The following AARS2 variants were observed in gnomAD, a reference collection of about 807,000 sequenced individuals.
AARS2 encodes alanyl-tRNA synthetase 2, mitochondrial, also known as alanine--tRNA ligase, mitochondrial.
A neutral mutation model predicts 119.7 loss-of-function variants in AARS2; 78 were observed. That is an observed-to-expected ratio of 0.65 (90% CI 0.54 to 0.79). The LOEUF (loss-of-function observed/expected upper bound fraction) is 0.79. Among genes scored for constraint, AARS2 ranks in the 30% least tolerant of loss-of-function variants. The pLI is 0.00. For missense variants in AARS2, 1,157 were observed against 1,291.3 expected (o/e 0.90, Z 1.59); for synonymous variants, 502 against 526.3 (o/e 0.95, Z 0.63).
chr6:44,306,497 G>A lies in AARS2; in HGVS notation c.1185C>T (p.Ala395=). ...CTCTCCCACTGGAATCCAGTACCTG[G>A]GCTGAGTTCCTTTGCAGTTCTGGAT... The part of the protein sequence containing the change: ...DAYPELQRNS[A]QIANLVSEDE... The change falls in exon 8 of 22, where the codon GCC becomes GCT. Residue 395 remains alanine (A), a synonymous_variant. Coordinates refer to ENST00000244571, the MANE Select transcript of AARS2 (RefSeq NM_020745.4). 1.9e-6 allele frequency: 3 copies of A among 1,614,146 alleles called. No homozygotes were observed. Among genetic ancestry groups the A allele is most frequent in the Non-Finnish European group, 2.5e-6 (3 of 1,180,028 alleles).
rs1313855671 is a variant in AARS2, at chr6:44,302,083, T to C, written c.2575A>G (p.Ile859Val). ...KMLQRRANTA[I>V]RKLQMGQAAK... The stretch of plus-strand genomic sequence containing the variant: ...ACCTGTCCCATTTGCAGCTTACGGA[T>C]GGCAGTGTTGGCACGCCGCTGCAGC... Residue 859 changes from isoleucine to valine, a missense_variant, in exon 19 of 22, where the codon ATC becomes GTC. Physicochemically the swap from Ile to Val is conservative, Grantham distance 29. Coordinates refer to ENST00000244571, the MANE Select transcript of AARS2 (RefSeq NM_020745.4). The C allele has an allele frequency of 6.2e-7, 1 of 1,613,976 alleles. No individual in the cohort carries two copies. The highest frequency in any genetic ancestry group is 8.5e-7 in the Non-Finnish European group (1 of 1,180,032).
intron 5 of AARS2, among the ~76,000 whole-genome samples, chr6:44,309,908 T>C (rs1258716608): frequency 7.2e-5 from 11 of 152,174 alleles, no homozygotes; most frequent in African/African-American, 2.7e-4. Context: ...CCTAGTTACT[T>C]TCACCCATGT....
chr6:44,300,214 C>G lies in AARS2; in HGVS notation c.*333G>C, dbSNP rs1218908087. 3.2e-5 allele frequency: 12 copies of G among 376,622 alleles called. No individual in the cohort carries two copies. Among genetic ancestry groups the G allele is most frequent in the Non-Finnish European group, 5.1e-6 (1 of 197,420 alleles). The allele number at this position is 376,622 out of a possible 1,614,324, so 23.3% of individuals were successfully genotyped here. A position where few individuals can be genotyped will look rare whatever the true frequency, so the allele number is the denominator to read the frequency against. On this transcript the variant is annotated 3_prime_UTR_variant, in exon 22 of 22. Coordinates refer to ENST00000244571, the MANE Select transcript of AARS2 (RefSeq NM_020745.4). ...CAGGATGGTTTTGATCTCCTGACCT[C>G]ATGATCTACCTGCCTCGGCCTCCCA...
At chr6:44,302,997 G>A in intron 16 of AARS2, 69 bp downstream of exon 16, 3 of 1,604,664 alleles carry the variant, frequency 1.9e-6, no homozygotes, top group Non-Finnish European at 2.6e-6. Flanking sequence ...AGGGCTGATG[G>A]CTCCAAAGAC....
At chr6:44,312,972 C>T in intron 1 of AARS2, 109 bp downstream of exon 1, 1 of 1,526,474 alleles carries the variant, frequency 6.6e-7, no homozygotes, top group Non-Finnish European at 8.9e-7. Context: ...GCCCTCTTTC[C>T]CCAAAAGCTA....
In AARS2 at chr6:44,303,309, G is replaced by T. The variant is rs1323462586; in HGVS notation, c.2122C>A (p.Pro708Thr). The change falls in exon 15 of 22, where the codon CCT (proline) becomes ACT (threonine). Residue 708 changes from proline (P) to threonine (T), a missense_variant. Pro to Thr is a conservative substitution (Grantham distance 38). Coordinates refer to ENST00000244571, the MANE Select transcript of AARS2 (RefSeq NM_020745.4). ...EVPLALTAQV[P>T]GLRSLDEVYP... ...ACCTCATCCAGAGAGCGCAGGCCAG[G>T]GACCTGGGCAGTGAGCGCCAGGGGC... The T allele has an allele frequency of 1.4e-5, 23 of 1,614,002 alleles. No homozygotes were observed. Among genetic ancestry groups the T allele is most frequent in the Non-Finnish European group, 1.9e-5 (22 of 1,180,052 alleles).
At chr6:44,311,359 A>G in intron 3 of AARS2, 31 bp downstream of exon 3, 1 of 1,614,120 alleles carries the variant, frequency 6.2e-7, no homozygotes, top group Non-Finnish European at 8.5e-7. Context: ...CCTGACCTCC[A>G]GGAATGAACA....
rs1785259424 is a variant in AARS2 at position 44,300,368 on chromosome 6, G to A, written c.*179C>T. ...GGTGTGTGTCTTTGGGCCCAGTTCT[G>A]CCTTCCCTAGCCCATGTCTCCTTGT... On this transcript the variant is annotated 3_prime_UTR_variant, in exon 22 of 22. Transcript: ENST00000244571. 1 of 819,196 alleles carries A rather than the reference G, an allele frequency of 1.2e-6. No homozygotes were observed. The highest frequency in any genetic ancestry group is 2.0e-6 in the Non-Finnish European group (1 of 504,704). 50.7% of individuals were successfully genotyped at this position (819,196 alleles called of 1,614,324 possible).
rs1027216958 is a variant in AARS2 at position 44,305,587 on chromosome 6, C to T, written c.1434+66G>A. ...CCTCTCAATATTCACAGCTCCTCCC[C>T]CAGGAGCTCAGGGCTGGGGAAGAGG... On this transcript the variant is annotated intron_variant, in intron 10 of 21. Transcript: ENST00000244571. This position sits in a 1 kb window ranked among gnomAD's most constrained non-coding sequence, Gnocchi z 4.6. 4 of 1,604,088 alleles carry T rather than the reference C, an allele frequency of 2.5e-6. No homozygotes were observed. The highest frequency in any genetic ancestry group is 1.1e-5 in the South Asian group (1 of 90,720).
rs148363748 is a variant in AARS2 at position 44,306,385 on chromosome 6, T to G, written c.1195A>C (p.Asn399His). 231 of 1,614,124 alleles carry G rather than the reference T, an allele frequency of 1.4e-4. No individual in the cohort carries two copies. The Admixed American group carries it at 1.8e-3, about 12-fold the overall frequency. Reference sequence around the variant, plus strand: ...GCTGCCTCGTCCTCTGACACCAGGTTGGCGATCTGAACCAGGCAGAGAAGA... The same window carrying G: ...GCTGCCTCGTCCTCTGACACCAGGTGGGCGATCTGAACCAGGCAGAGAAGA... ...ELQRNSAQIA[N>H]LVSEDEAAFL... Residue 399 changes from asparagine to histidine, a missense_variant, in exon 9 of 22, where the codon AAC becomes CAC. Asn to His is a moderately conservative substitution (Grantham distance 68). Transcript: ENST00000244571.
chr6:44,304,825 G>A lies in AARS2; in HGVS notation c.1580-8C>T. The A allele has an allele frequency of 6.2e-7, 1 of 1,614,082 alleles. No homozygotes were observed. The highest frequency in any genetic ancestry group is 8.5e-7 in the Non-Finnish European group (1 of 1,179,984). ...CCTCACAGGTGCCGAACTCTGCCAG[G>A]GCACAGAATGGTTATTAGTGGTGGG... On this transcript the variant is annotated splice_polypyrimidine_tract_variant and splice_region_variant and intron_variant, in intron 11 of 21. Coordinates refer to ENST00000244571, the MANE Select transcript of AARS2 (RefSeq NM_020745.4).
Position 44,310,284 on chromosome 6 carries a change from G to A in AARS2, c.894+15C>T, listed in dbSNP as rs753572109. On this transcript the variant is annotated intron_variant, in intron 5 of 21. Coordinates refer to ENST00000244571, the MANE Select transcript of AARS2 (RefSeq NM_020745.4). ...GAGCAGGTTAGAGGGCTTCTGGAAG[G>A]GAAGAGGCACTCACCTGCTGTATGG... 1.9e-6 allele frequency: 3 copies of A among 1,582,382 alleles called. No homozygotes were observed. The highest frequency in any genetic ancestry group is 4.6e-5 in the East Asian group (2 of 43,908).
chr6:44,301,399 G>T lies in AARS2; in HGVS notation c.2664C>A (p.Val888=). The change falls in exon 20 of 22, where the codon GTC becomes GTA. Residue 888 remains valine (V), a synonymous_variant. Coordinates refer to ENST00000244571, the MANE Select transcript of AARS2 (RefSeq NM_020745.4). ...HSKGPLIVDT[V]SAESLSVLVK... is the part of the protein sequence containing the mutation. ...CACTCACTGAGAGAGACTCAGCAGAGACTGTGTCCACAATCAGAGGCCCCT... is the reference window on the plus strand; with the variant it reads ...CACTCACTGAGAGAGACTCAGCAGATACTGTGTCCACAATCAGAGGCCCCT... The T allele has an allele frequency of 1.2e-6, 2 of 1,614,006 alleles. No individual in the cohort carries two copies. Among genetic ancestry groups the T allele is most frequent in the Middle Eastern group, 1.6e-4 (1 of 6,062 alleles).
chr6:44,303,345 T>C lies in AARS2; in HGVS notation c.2086A>G (p.Met696Val), dbSNP rs955369277. Residue 696 changes from methionine to valine, a missense_variant, in exon 15 of 22, where the codon ATG (methionine) becomes GTG (valine). Met to Val is a conservative substitution (Grantham distance 21). Transcript: ENST00000244571. ...GTGAGCGCCAGGGGCACCTCCTCCA[T>C]GTACACAGCCTCATCCTGCCCCACG... is the stretch of plus-strand genomic sequence containing the variant. ...EAVGQDEAVY[M>V]EEVPLALTAQ... The C allele has an allele frequency of 1.2e-6, 2 of 1,613,958 alleles. No homozygotes were observed. Among genetic ancestry groups the C allele is most frequent in the Middle Eastern group, 1.6e-4 (1 of 6,062 alleles).
chr6:44,303,017 G>T (rs528141636), intron 16 of AARS2, 49 bp downstream of exon 16: 2 of 1,609,034 alleles, frequency 1.2e-6, no homozygotes, highest in African/African-American at 2.7e-5. Flanking sequence ...CCAAGGGAAG[G>T]GCAAGGATCC....
chr6:44,313,052 G>C, intron 1 of AARS2, 29 bp downstream of exon 1: 6 of 1,611,730 alleles, frequency 3.7e-6, no homozygotes, highest in Non-Finnish European at 5.1e-6. Context: ...CACGAACTCC[G>C]CTCCCTATCA....
chr6:44,312,560 G>A (rs1011265822), intron 1 of AARS2, among the ~76,000 whole-genome samples: 1 of 152,164 alleles, frequency 6.6e-6, no homozygotes, highest in African/African-American at 2.4e-5. Context: ...GCTGAAAGGT[G>A]GCATCCTCCG....
chr6:44,304,639 A>C lies in AARS2; in HGVS notation c.1752+6T>G. On this transcript the variant is annotated splice_donor_region_variant and intron_variant, in intron 12 of 21. Coordinates refer to ENST00000244571, the MANE Select transcript of AARS2 (RefSeq NM_020745.4). Reference sequence around the variant, plus strand: ...GAAATCAGCCTGGGTTGTGATGGAGACTCACCTCTTGCCCTGCCCGCACCA... The same window carrying C: ...GAAATCAGCCTGGGTTGTGATGGAGCCTCACCTCTTGCCCTGCCCGCACCA... The C allele has an allele frequency of 6.2e-7, 1 of 1,613,870 alleles. No homozygotes were observed. The highest frequency in any genetic ancestry group is 8.5e-7 in the Non-Finnish European group (1 of 1,179,946).
intron 21 of AARS2, 102 bp from the exon 22 acceptor site, chr6:44,300,813 C>A: frequency 7.0e-7 from 1 of 1,434,884 alleles, no homozygotes; most frequent in Middle Eastern, 2.3e-4. Context: ...TCAGTGCCCC[C>A]TTCCCAGCTG....
Sources: gnomAD v4.1 joint callset for allele counts (sites outside exome capture counted in the v4.1 genomes callset) on GRCh38, gnomAD v4.1.1 for gene constraint, Gnocchi (gnomAD v3.1) non-coding constraint, MANE v1.5 for transcripts, NCBI Gene and HGNC (gene_info 2026-07-23, HGNC 2026-07-21) for gene names.